The following NXPE2 variants were observed in gnomAD, a reference collection of about 807,000 sequenced individuals.
NXPE2 encodes NXPE family member 2.
NXPE2 carries 34 observed loss-of-function variants against 34.4 expected under a neutral mutation model. The observed-to-expected ratio is 0.99, with a 90% CI of 0.75 to 1.31. The LOEUF is 1.31. Among genes scored for constraint, NXPE2 ranks in the 40% most tolerant of loss-of-function variants. The probability of loss-of-function intolerance (pLI) is 0.00; values close to 1 mark genes in which losing one functional copy is unlikely to be tolerated. For missense variants in NXPE2, 649 were observed against 672.5 expected, an observed-to-expected ratio of 0.97 and a Z score of 0.39; for synonymous variants, 235 against 231.3, an observed-to-expected ratio of 1.02 and a Z score of -0.15.
intron 4 of NXPE2, among the ~76,000 whole-genome samples, chr11:114,705,260 T>C (rs1951449484): frequency 6.6e-6 from 1 of 152,178 alleles, no homozygotes; most frequent in Non-Finnish European, 1.5e-5. Flanking sequence ...ACAATTAAGA[T>C]TTAAGGATTT....
the NXPE2 span, among the ~76,000 whole-genome samples, chr11:114,533,828 A>C: frequency 6.6e-6 from 1 of 152,246 alleles, no homozygotes; most frequent in Non-Finnish European, 1.5e-5. Flanking sequence ...TCAAGGAGGC[A>C]TGCCTGCCTC....
the NXPE2 span, among the ~76,000 whole-genome samples, chr11:114,658,017 G>T: frequency 6.6e-6 from 1 of 152,084 alleles, no homozygotes; most frequent in Non-Finnish European, 1.5e-5. Context: ...ATATTTCCTG[G>T]TCTAAGGACC....
the NXPE2 span, among the ~76,000 whole-genome samples, chr11:114,637,503 A>G: frequency 3.3e-5 from 5 of 151,270 alleles, no homozygotes; most frequent in East Asian, 7.7e-4. Flanking sequence ...TGATCCTGTC[A>G]TTATGATGTT....
chr11:114,614,198 T>C, the NXPE2 span, among the ~76,000 whole-genome samples: 2 of 146,210 alleles, frequency 1.4e-5, no homozygotes, highest in Non-Finnish European at 3.0e-5. Flanking sequence ...TTATCCACCA[T>C]GTAATGTTAA....
chr11:114,635,417 C>T, the NXPE2 span, among the ~76,000 whole-genome samples: 1 of 151,274 alleles, frequency 6.6e-6, no homozygotes, highest in Non-Finnish European at 1.5e-5. Context: ...CAAACAGGGA[C>T]AATTTGACTT....
the NXPE2 span, among the ~76,000 whole-genome samples, chr11:114,613,354 G>A: frequency 3.3e-5 from 5 of 151,700 alleles, no homozygotes; most frequent in African/African-American, 1.2e-4. Flanking sequence ...ACTGCCTCGT[G>A]GATAACCACG....
chr11:114,591,056 A>G, the NXPE2 span, among the ~76,000 whole-genome samples: 1 of 152,172 alleles, frequency 6.6e-6, no homozygotes, highest in Non-Finnish European at 1.5e-5. Context: ...GATCTCAGGG[A>G]AACTCCCCTG....
At chr11:114,641,562 A>T in the NXPE2 span, among the ~76,000 whole-genome samples, 2 of 152,116 alleles carry the variant, frequency 1.3e-5, no homozygotes, top group East Asian at 3.9e-4. Context: ...AGCAGTGAAA[A>T]TTAAGACTAA....
At chr11:114,661,115 T>G in the NXPE2 span, among the ~76,000 whole-genome samples, 1 of 152,096 alleles carries the variant, frequency 6.6e-6, no homozygotes, top group Non-Finnish European at 1.5e-5. Context: ...AAAGAAGACA[T>G]AAATAAATGG....
At chr11:114,614,607 G>C in the NXPE2 span, among the ~76,000 whole-genome samples, 1 of 151,814 alleles carries the variant, frequency 6.6e-6, no homozygotes, top group Non-Finnish European at 1.5e-5. Flanking sequence ...GTTGCCTCGT[G>C]GGTAACCACT....
At chr11:114,779,663 A>T in the NXPE2 span, among the ~76,000 whole-genome samples, 42 of 151,972 alleles carry the variant, frequency 2.8e-4, no homozygotes, top group Non-Finnish European at 5.1e-4. Flanking sequence ...AGTGACAATG[A>T]CCTCCAGAGT....
At chr11:114,760,037 G>A in the NXPE2 span, among the ~76,000 whole-genome samples, 4 of 152,094 alleles carry the variant, frequency 2.6e-5, no homozygotes, top group African/African-American at 9.6e-5. Context: ...AAATGCAGAT[G>A]GAGAAAGACA....
At chr11:114,555,189 C>T in the NXPE2 span, among the ~76,000 whole-genome samples, 2 of 151,980 alleles carry the variant, frequency 1.3e-5, no homozygotes, top group African/African-American at 4.8e-5. Context: ...TTTGTTTTTA[C>T]AGCATTACTG....
chr11:114,742,307 A>G, the NXPE2 span, among the ~76,000 whole-genome samples: 1 of 152,128 alleles, frequency 6.6e-6, no homozygotes, highest in African/African-American at 2.4e-5. Flanking sequence ...CAAGCAGCTC[A>G]CAGATAGGCT....
chr11:114,571,219 G>A, the NXPE2 span: 4 of 1,614,014 alleles, frequency 2.5e-6, no homozygotes, highest in Non-Finnish European at 3.4e-6. Context: ...TGGACATTGA[G>A]GGCCCTTCGG....
chr11:114,505,378 C>T, the NXPE2 span, among the ~76,000 whole-genome samples: 1 of 152,032 alleles, frequency 6.6e-6, no homozygotes, highest in Admixed American at 6.6e-5. Flanking sequence ...GCAGAGAACC[C>T]CAGTAAAATA....
At chr11:114,615,838 A>C in the NXPE2 span, among the ~76,000 whole-genome samples, 20 of 151,716 alleles carry the variant, frequency 1.3e-4, 1 homozygote, top group Admixed American at 1.1e-3. Flanking sequence ...TACCCTGTGG[A>C]TAATAAGAGA....
the NXPE2 span, among the ~76,000 whole-genome samples, chr11:114,801,527 T>A: frequency 6.6e-5 from 10 of 152,234 alleles, no homozygotes; most frequent in Admixed American, 6.5e-4. Context: ...AAGTTAAGCA[T>A]GGGAATGGCA....
the NXPE2 span, among the ~76,000 whole-genome samples, chr11:114,518,998 A>G: frequency 1.3e-5 from 2 of 152,232 alleles, no homozygotes; most frequent in African/African-American, 4.8e-5. Flanking sequence ...TATTAATAAC[A>G]GGGACAAGAT....
Sources: allele counts gnomAD v4.1 joint callset (sites outside exome capture counted in the v4.1 genomes callset), GRCh38; gene constraint gnomAD v4.1.1; transcripts MANE v1.5; gene names NCBI Gene and HGNC (gene_info 2026-07-23, HGNC 2026-07-21).